ARHGAP39: variants seen among roughly 807,000 people sequenced by gnomAD.
The protein encoded by ARHGAP39 is Rho GTPase activating protein 39.
In ARHGAP39, 44 loss-of-function variants were observed where a neutral mutation model predicts 106.9. That is an observed-to-expected ratio of 0.41 (90% CI 0.32 to 0.53). The LOEUF is 0.53. Ranked by LOEUF, ARHGAP39 falls within the 20% of genes least tolerant of loss-of-function variation. ARHGAP39 has a pLI of 0.21. For missense variants in ARHGAP39, 1,496 were observed against 1,577.3 expected (o/e 0.95, Z 0.87); for synonymous variants, 768 against 693.2 (o/e 1.11, Z -1.69).
At chr8:144,661,483 C>T (rs1370786307) in intron 1 of ARHGAP39, among the ~76,000 whole-genome samples, 1 of 152,142 alleles carries the variant, frequency 6.6e-6, no homozygotes, top group Non-Finnish European at 1.5e-5. Context: ...CAGCACTCCC[C>T]ATCCACACCT....
At chr8:144,545,893 TGTGAGCTGGGG>T in intron 5 of ARHGAP39, 83 bp from the exon 6 acceptor site, 1 of 1,301,428 alleles carries the variant, frequency 7.7e-7, no homozygotes, top group Non-Finnish European at 1.0e-6. Flanking sequence ...TCCCCAGAAG[TGTGAGCTGGGG>T]CCCCACCAGA....
intron 2 of ARHGAP39, among the ~76,000 whole-genome samples, chr8:144,582,861 C>T (rs998153951): frequency 6.6e-6 from 1 of 152,316 alleles, no homozygotes; most frequent in East Asian, 1.9e-4. Context: ...GATGTTTCAC[C>T]GTCATCCCCG....
At position 144,644,741 on chromosome 8, in the gene ARHGAP39, G is replaced by A. The variant is rs116450808; in HGVS notation, c.-81-39046C>T. Among the ~76,000 whole-genome samples, 4,141 of 152,194 alleles carry A rather than the reference G, an allele frequency of 0.027. 251 individuals carry two copies. The highest frequency in any genetic ancestry group is 0.24 in the East Asian group (1,261 of 5,156). ...AAACCACGTCCCTGTCCGTGACTTCGCACCTGGCCTTTCAGCACCAGGTGT... is the reference window on the plus strand; with the variant it reads ...AAACCACGTCCCTGTCCGTGACTTCACACCTGGCCTTTCAGCACCAGGTGT... On this transcript the variant is annotated intron_variant, in intron 1 of 11. Coordinates refer to ENST00000377307, the MANE Select transcript of ARHGAP39 (RefSeq NM_025251.3). This position sits in a 1 kb window ranked among gnomAD's most constrained non-coding sequence, Gnocchi z 4.8.
At chr8:144,632,699 G>A (rs1821092705) in intron 1 of ARHGAP39, among the ~76,000 whole-genome samples, 1 of 152,226 alleles carries the variant, frequency 6.6e-6, no homozygotes, top group African/African-American at 2.4e-5. Context: ...TGCACATCAG[G>A]TGATGGCCCC....
chr8:144,642,800 C>T (rs906534839), intron 1 of ARHGAP39, among the ~76,000 whole-genome samples: 3 of 152,134 alleles, frequency 2.0e-5, no homozygotes, highest in African/African-American at 7.2e-5. Context: ...TCAACTAAAC[C>T]TCTTTCCTTT....
At chr8:144,637,023 T>C (rs886792700) in intron 1 of ARHGAP39, among the ~76,000 whole-genome samples, 25 of 152,362 alleles carry the variant, frequency 1.6e-4, no homozygotes, top group African/African-American at 6.0e-4. Flanking sequence ...TCTCAGGGTC[T>C]AGGATTTCCA....
chr8:144,699,320 TG>T, the ARHGAP39 span: 1 of 7,818 alleles, frequency 1.3e-4, no homozygotes, highest in Admixed American at 1.9e-3. Context: ...CGGGGTGGTG[TG>T]GGGGGCTATG....
intron 3 of ARHGAP39, among the ~76,000 whole-genome samples, chr8:144,566,381 T>A (rs1056773577): frequency 6.6e-6 from 1 of 151,954 alleles, no homozygotes; most frequent in African/African-American, 2.4e-5. Flanking sequence ...CTGGGCAACA[T>A]GGTAAAACCC....
intron 5 of ARHGAP39, 81 bp from the exon 6 acceptor site, chr8:144,545,891 AGT>A: frequency 7.6e-7 from 1 of 1,311,860 alleles, no homozygotes; most frequent in Non-Finnish European, 1.0e-6. Flanking sequence ...AGTCCCCAGA[AGT>A]GTGAGCTGGG....
In ARHGAP39 at chr8:144,674,848, G is replaced by A. The variant is rs1822190571; in HGVS notation, c.-82+10838C>T. Among the ~76,000 whole-genome samples the A allele has an allele frequency of 2.0e-5, 3 of 152,212 alleles. No individual in the cohort carries two copies. In the South Asian group the frequency reaches 6.2e-4, roughly 32 times the overall value. On this transcript the variant is annotated intron_variant, in intron 1 of 11. Transcript: ENST00000377307. ...TTTTGCCCCAAGTGCATGTACACCT[G>A]GCCAGGTTGCAACAGTGCCTGGGCT...
chr8:144,637,095 G>A (rs1001695984), intron 1 of ARHGAP39, among the ~76,000 whole-genome samples: 1 of 152,136 alleles, frequency 6.6e-6, no homozygotes, highest in Admixed American at 6.5e-5. Context: ...GTGTCTGGTG[G>A]ACTCTGGGAC....
intron 1 of ARHGAP39, among the ~76,000 whole-genome samples, chr8:144,675,528 C>T (rs1042912201): frequency 2.0e-5 from 3 of 151,998 alleles, no homozygotes; most frequent in African/African-American, 4.8e-5. Context: ...AAAGATGGTG[C>T]GTCTGGAGTT....
chr8:144,673,668 T>C (rs139714757), intron 1 of ARHGAP39, among the ~76,000 whole-genome samples: 1 of 152,186 alleles, frequency 6.6e-6, no homozygotes, highest in Non-Finnish European at 1.5e-5. Context: ...CAGAAACCGC[T>C]GTGGCCAGTG....
chr8:144,600,479 G>A (rs774033397), intron 2 of ARHGAP39, among the ~76,000 whole-genome samples: 15 of 143,518 alleles, frequency 1.0e-4, no homozygotes, highest in African/African-American at 2.4e-4. Flanking sequence ...CGTGTGCATC[G>A]AGGCGTGTGT....
intron 1 of ARHGAP39, among the ~76,000 whole-genome samples, chr8:144,627,427 C>A (rs556568204): frequency 6.6e-6 from 1 of 152,090 alleles, no homozygotes; most frequent in South Asian, 2.1e-4. Context: ...TGGTGGTGGG[C>A]ACCTGTATTC....
intron 1 of ARHGAP39, among the ~76,000 whole-genome samples, chr8:144,612,659 C>T (rs1820518733): frequency 7.4e-5 from 1 of 13,450 alleles, no homozygotes; most frequent in Non-Finnish European, 1.4e-4. Context: ...AGGTGAGCCA[C>T]GGCTGCGCCG....
chr8:144,594,088 CA>C (rs149748913), intron 2 of ARHGAP39, among the ~76,000 whole-genome samples: 1,683 of 56,916 alleles, frequency 0.03, 15 homozygotes, highest in African/African-American at 0.058. Flanking sequence ...GACTCCGTCT[CA>C]AAAAAAAAAA....
chr8:144,610,424 A>T (rs1179068921), intron 1 of ARHGAP39, among the ~76,000 whole-genome samples: 2 of 152,154 alleles, frequency 1.3e-5, no homozygotes, highest in Non-Finnish European at 2.9e-5. Flanking sequence ...TAAAAAAAAA[A>T]TTTAGGGCCG....
Position 144,548,454 on chromosome 8 carries a change from T to A in ARHGAP39, c.632A>T (p.Glu211Val). ...SSLRWNSGAK[E>V]RMLIKVADRE... Reference sequence around the variant, plus strand: ...ATCAGCGACCTTGATGAGCATGCGCTCTTTGGCGCCCGAGTTCCACCGCAG... The same window carrying A: ...ATCAGCGACCTTGATGAGCATGCGCACTTTGGCGCCCGAGTTCCACCGCAG... Residue 211 changes from glutamate (E) to valine (V), a missense_variant, in exon 5 of 12, where the codon GAG (glutamate) becomes GTG (valine). Around this residue, in one of 4 missense-constraint regions of ARHGAP39, gnomAD observed 905 missense variants for 816.4 expected, o/e 1.11. Coordinates refer to ENST00000377307, the MANE Select transcript of ARHGAP39 (RefSeq NM_025251.3). The surrounding 1 kb of genome is among the most constrained non-coding windows in gnomAD (Gnocchi z 7.4). 1 of 1,610,634 alleles carries A rather than the reference T, an allele frequency of 6.2e-7. No individual in the cohort carries two copies. Among genetic ancestry groups the A allele is most frequent in the Non-Finnish European group, 8.5e-7 (1 of 1,179,590 alleles).
Sources: allele counts gnomAD v4.1 joint callset (sites outside exome capture counted in the v4.1 genomes callset), GRCh38; gene constraint gnomAD v4.1.1; regional missense constraint gnomAD v4.1.1; non-coding constraint Gnocchi (gnomAD v3.1); transcripts MANE v1.5; gene names NCBI Gene and HGNC (gene_info 2026-07-23, HGNC 2026-07-21).